GNB1: variants seen among roughly 807,000 people sequenced by gnomAD.
GNB1 encodes G protein subunit beta 1.
GNB1 carries 2 observed loss-of-function variants against 42.9 expected under a neutral mutation model. The ratio of observed to expected loss-of-function variants is 0.05; its 90% CI spans 0.02 to 0.15. The LOEUF (loss-of-function observed/expected upper bound fraction) is 0.15, where lower values mean the gene tolerates loss of function less well. GNB1 is among the 10% of genes least tolerant of loss of function. The probability of loss-of-function intolerance (pLI) is 1.00; values close to 1 mark genes in which losing one functional copy is unlikely to be tolerated. For missense variants in GNB1, 193 were observed against 462.2 expected, an observed-to-expected ratio of 0.42 and a Z score of 5.34; for synonymous variants, 183 against 174.7, an observed-to-expected ratio of 1.05 and a Z score of -0.38.
chr1:1,794,979 T>C (rs1217550696), intron 7 of GNB1, among the ~76,000 whole-genome samples: 1 of 152,216 alleles, frequency 6.6e-6, no homozygotes, highest in Admixed American at 6.5e-5. Flanking sequence ...TGAGCCACCA[T>C]GCCTGGCCAA....
chr1:1,866,299 G>A (rs1172348872), intron 1 of GNB1, among the ~76,000 whole-genome samples: 3 of 152,288 alleles, frequency 2.0e-5, no homozygotes, highest in Middle Eastern at 3.4e-3. Flanking sequence ...GAGATACCAC[G>A]TTTCACAGGG....
At chr1:1,825,107 G>A (rs1646979777) in intron 3 of GNB1, 1 of 313,298 alleles carries the variant, frequency 3.2e-6, no homozygotes, top group Non-Finnish European at 5.9e-6. Context: ...AGTGGCCCAG[G>A]GTATCACAAA....
chr1:1,838,967 G>A lies in GNB1; in HGVS notation c.-47+223C>T, dbSNP rs117025906. ...TAGAAAAAAACTGTAACAAAAACCA[G>A]GGTATTGACCAGGCATGCTGGCGTA... On this transcript the variant is annotated intron_variant, in intron 2 of 11. Transcript: ENST00000378609. 1.8e-3 allele frequency among the ~76,000 whole-genome samples: 273 copies of A among 152,170 alleles called. 8 individuals are homozygous for A. In the East Asian group the frequency reaches 0.048, roughly 27 times the overall value.
intron 2 of GNB1, among the ~76,000 whole-genome samples, chr1:1,831,035 C>T (rs551139554): frequency 1.3e-5 from 2 of 152,208 alleles, no homozygotes; most frequent in South Asian, 4.2e-4. Flanking sequence ...TGTGGTGATG[C>T]GTGCCTGTAA....
rs552419939 is a variant in GNB1, at chr1:1,870,910, G to A, written c.-96+19910C>T. On this transcript the variant is annotated intron_variant, in intron 1 of 11. Coordinates refer to ENST00000378609, the MANE Select transcript of GNB1 (RefSeq NM_002074.5). ...TTCACCACTGCACTCCAGCCTGGGC[G>A]ACAGAGACTCCATCTCAAAAAAATA... 5.3e-5 allele frequency among the ~76,000 whole-genome samples: 8 copies of A among 152,042 alleles called. No individual in the cohort carries two copies. The East Asian group carries it at 5.8e-4, about 11-fold the overall frequency.
intron 1 of GNB1, among the ~76,000 whole-genome samples, chr1:1,840,377 A>C (rs1254479830): frequency 6.6e-6 from 1 of 152,068 alleles, no homozygotes; most frequent in Non-Finnish European, 1.5e-5. Flanking sequence ...AAATACAAAA[A>C]ATTCGCCGAG....
At chr1:1,820,494 G>A (rs1282732158) in intron 3 of GNB1, among the ~76,000 whole-genome samples, 2 of 150,920 alleles carry the variant, frequency 1.3e-5, no homozygotes, top group African/African-American at 2.4e-5. Context: ...CAAAAAAATC[G>A]AGTATTTCTA....
At chr1:1,875,490 G>T (rs1392687938) in intron 1 of GNB1, among the ~76,000 whole-genome samples, 1 of 152,126 alleles carries the variant, frequency 6.6e-6, no homozygotes, top group Non-Finnish European at 1.5e-5. Context: ...ATCACACCTG[G>T]CCAAGGACAC....
chr1:1,810,953 C>A (rs943308278), intron 5 of GNB1, among the ~76,000 whole-genome samples: 2 of 151,666 alleles, frequency 1.3e-5, no homozygotes, highest in Non-Finnish European at 2.9e-5. Context: ...TAGGCGTGAA[C>A]CACGGTGCCT....
intron 1 of GNB1, among the ~76,000 whole-genome samples, chr1:1,855,518 A>G (rs538460129): frequency 1.6e-3 from 243 of 151,736 alleles, no homozygotes; most frequent in Non-Finnish European, 1.8e-3. Flanking sequence ...TGGCTAACAC[A>G]GTGAAACCCC....
intron 9 of GNB1, among the ~76,000 whole-genome samples, chr1:1,789,921 G>A (rs1646459919): frequency 6.6e-6 from 1 of 152,216 alleles, no homozygotes; most frequent in East Asian, 1.9e-4. Flanking sequence ...ATGGAGGAAG[G>A]AGGGAAGCGG....
At chr1:1,886,349 A>T (rs995251899) in intron 1 of GNB1, among the ~76,000 whole-genome samples, 24 of 152,092 alleles carry the variant, frequency 1.6e-4, no homozygotes, top group Non-Finnish European at 3.2e-4. Flanking sequence ...CCACTAATCC[A>T]CTAGCAAACT....
intron 1 of GNB1, among the ~76,000 whole-genome samples, chr1:1,877,653 T>C (rs1325470226): frequency 6.6e-6 from 1 of 152,040 alleles, no homozygotes; most frequent in African/African-American, 2.4e-5. Context: ...TTTACTACAA[T>C]GAACATTTTA....
intron 6 of GNB1, 32 bp from the exon 7 acceptor site, chr1:1,804,613 C>T (rs763496799): frequency 1.3e-6 from 2 of 1,510,770 alleles, no homozygotes; most frequent in Non-Finnish European, 1.8e-6. Context: ...ATGCAAACAA[C>T]TTTATGTTCA....
chr1:1,795,884 A>G (rs1646540418), intron 7 of GNB1, among the ~76,000 whole-genome samples: 1 of 152,192 alleles, frequency 6.6e-6, no homozygotes, highest in African/African-American at 2.4e-5. Context: ...CCCTAAAATC[A>G]CAGCTCTCAA....
chr1:1,811,451 T>A (rs1646777890), intron 5 of GNB1, among the ~76,000 whole-genome samples: 1 of 151,808 alleles, frequency 6.6e-6, no homozygotes, highest in African/African-American at 2.4e-5. Context: ...TCCCAGCACT[T>A]TGGGAGGCCG....
chr1:1,793,431 G>A, intron 7 of GNB1, 120 bp from the exon 8 acceptor site: 1 of 632,596 alleles, frequency 1.6e-6, no homozygotes, highest in South Asian at 1.8e-5. Flanking sequence ...CCAGCACCAT[G>A]CTAGTGACCT....
chr1:1,804,286 G>T, intron 7 of GNB1, 133 bp downstream of exon 7: 1 of 629,816 alleles, frequency 1.6e-6, no homozygotes, highest in Non-Finnish European at 2.7e-6. Flanking sequence ...GTGACAGAGC[G>T]AGACTCCGCC....
intron 1 of GNB1, among the ~76,000 whole-genome samples, chr1:1,856,048 G>A (rs1372143394): frequency 1.3e-5 from 2 of 152,278 alleles, no homozygotes; most frequent in South Asian, 2.1e-4. Flanking sequence ...AAGAGATGGC[G>A]ATCTTGCTCT....
Sources: gnomAD v4.1 joint callset for allele counts (sites outside exome capture counted in the v4.1 genomes callset) on GRCh38, gnomAD v4.1.1 for gene constraint, MANE v1.5 for transcripts, NCBI Gene and HGNC (gene_info 2026-07-23, HGNC 2026-07-21) for gene names.